DENND4A: variants seen among roughly 807,000 people sequenced by gnomAD.
The protein encoded by DENND4A is DENN domain containing 4A, also known as C-myc promoter-binding protein.
Under a neutral mutation model 199.3 loss-of-function variants are expected in DENND4A, and 70 were observed. The observed-to-expected ratio is 0.35, with a 90% CI of 0.29 to 0.43. The LOEUF (loss-of-function observed/expected upper bound fraction) is 0.43. Ranked by LOEUF, DENND4A falls within the 20% of genes least tolerant of loss-of-function variation. The pLI, the probability that DENND4A is intolerant of heterozygous loss-of-function variation, is 1.00. For missense variants in DENND4A, 1,723 were observed against 2,255.8 expected (o/e 0.76, Z 4.78); for synonymous variants, 686 against 766.9 (o/e 0.89, Z 1.74).
intron 29 of DENND4A, 56 bp downstream of exon 29, chr15:65,667,393 C>T: frequency 6.5e-7 from 1 of 1,546,340 alleles, no homozygotes; most frequent in Non-Finnish European, 8.8e-7. Context: ...TAGGAATATG[C>T]AAACATTACA....
chr15:65,689,244 T>C (rs1008685003), intron 23 of DENND4A, among the ~76,000 whole-genome samples: 1 of 152,198 alleles, frequency 6.6e-6, no homozygotes, highest in Non-Finnish European at 1.5e-5. Context: ...TTTTCCTTTA[T>C]ATTCTTGAAC....
At chr15:65,752,180 G>A (rs1017493347) in intron 4 of DENND4A, among the ~76,000 whole-genome samples, 199 bp downstream of exon 4, 1 of 138,700 alleles carries the variant, frequency 7.2e-6, no homozygotes, top group Non-Finnish European at 1.5e-5. Flanking sequence ...ACTTTGCATA[G>A]TTTCTTTTGA....
chr15:65,690,907 C>T lies in DENND4A; in HGVS notation c.3687G>A (p.Glu1229=), dbSNP rs2076947769. 1.2e-6 allele frequency: 2 copies of T among 1,607,952 alleles called. No individual in the cohort carries two copies. Among genetic ancestry groups the T allele is most frequent in the Admixed American group, 1.7e-5 (1 of 59,114 alleles). Reference sequence around the variant, plus strand: ...TTTTGCTATCATCTTCATCCTCCTCCTCTTCTTCTTTTTGCTGCTGTTCAG... The same window carrying T: ...TTTTGCTATCATCTTCATCCTCCTCTTCTTCTTCTTTTTGCTGCTGTTCAG... ...AETEQQQKEE[E]EEDEDDSKSI... The change falls in exon 23 of 33, where the codon GAG becomes GAA. Residue 1229 remains glutamate (E), a synonymous_variant. Coordinates refer to ENST00000443035, the MANE Select transcript of DENND4A (RefSeq NM_001320835.1).
intron 21 of DENND4A, chr15:65,696,814 T>C (rs72741230): frequency 0.032 from 8,598 of 269,416 alleles, 212 homozygotes; most frequent in Middle Eastern, 0.066. Flanking sequence ...TAAACAAACT[T>C]TTTTTTTTTC....
chr15:65,760,267 C>CGG (rs1177781957), intron 2 of DENND4A, among the ~76,000 whole-genome samples: 1 of 151,876 alleles, frequency 6.6e-6, no homozygotes, highest in Non-Finnish European at 1.5e-5. Context: ...AAGGCCAAGG[C>CGG]GGGCAGATCA....
intron 3 of DENND4A, chr15:65,753,805 A>T (rs1352855975): frequency 6.6e-6 from 1 of 151,914 alleles, no homozygotes; most frequent in Non-Finnish European, 1.5e-5. Context: ...ATATAATGCC[A>T]AAAACTGGTC....
intron 1 of DENND4A, among the ~76,000 whole-genome samples, chr15:65,772,784 T>A (rs1023524884): frequency 7.0e-6 from 1 of 142,316 alleles, no homozygotes; most frequent in African/African-American, 2.6e-5. Context: ...CACAGATTGG[T>A]CAATTATATG....
chr15:65,670,009 T>C lies in DENND4A; in HGVS notation c.4640+4A>G, dbSNP rs769064520. Reference sequence around the variant, plus strand: ...TTAAACATGAAGGAAAAAAATATCATTACCTTCCAGGTCGTCTTAAATCTC... The same window carrying C: ...TTAAACATGAAGGAAAAAAATATCACTACCTTCCAGGTCGTCTTAAATCTC... On this transcript the variant is annotated splice_donor_region_variant and intron_variant, in intron 26 of 32. Coordinates refer to ENST00000443035, the MANE Select transcript of DENND4A (RefSeq NM_001320835.1). The C allele has an allele frequency of 1.9e-6, 3 of 1,591,994 alleles. No homozygotes were observed. The highest frequency in any genetic ancestry group is 1.7e-6 in the Non-Finnish European group (2 of 1,167,610).
Position 65,752,234 on chromosome 15 carries a change from CT to C in DENND4A, c.561+144del, listed in dbSNP as rs1267095103. On this transcript the variant is annotated intron_variant, in intron 4 of 32. Coordinates refer to ENST00000443035, the MANE Select transcript of DENND4A (RefSeq NM_001320835.1). Reference sequence around the variant, plus strand: ...TTCCGAAAAGTAAAATATCTAATATCTTTAAAAACACATTTTTCAATTCTGT... The same window carrying C: ...TTCCGAAAAGTAAAATATCTAATATCTTAAAAACACATTTTTCAATTCTGT... The C allele has an allele frequency of 5.3e-6, 4 of 748,672 alleles. No individual in the cohort carries two copies. The African/African-American group carries it at 9.5e-5, about 18-fold the overall frequency. 46.4% of individuals were successfully genotyped at this position (748,672 alleles called of 1,614,324 possible).
intron 13 of DENND4A, 61 bp from the exon 14 acceptor site, chr15:65,715,684 T>G (rs1309135839): frequency 1.1e-5 from 16 of 1,451,028 alleles, no homozygotes; most frequent in Non-Finnish European, 1.4e-5. Flanking sequence ...TCACAGAATA[T>G]TTGCACTAGA....
At chr15:65,734,530 A>T (rs1025051136) in intron 7 of DENND4A, among the ~76,000 whole-genome samples, 2 of 152,070 alleles carry the variant, frequency 1.3e-5, no homozygotes, top group Admixed American at 1.3e-4. Flanking sequence ...TTCTTTCTCT[A>T]TACTTTGTCT....
At chr15:65,762,140 C>T (rs567203124) in intron 1 of DENND4A, among the ~76,000 whole-genome samples, 93 of 151,990 alleles carry the variant, frequency 6.1e-4, no homozygotes, top group African/African-American at 2.1e-3. Flanking sequence ...CCCGAGTAGC[C>T]GGGATTACAG....
chr15:65,728,157 C>T (rs911645383), intron 11 of DENND4A, among the ~76,000 whole-genome samples: 10 of 151,940 alleles, frequency 6.6e-5, no homozygotes, highest in African/African-American at 2.4e-4. Context: ...TACCTGCCAC[C>T]ACGTCCAGCT....
intron 1 of DENND4A, among the ~76,000 whole-genome samples, chr15:65,784,351 A>T (rs1038558677): frequency 6.6e-5 from 10 of 152,130 alleles, no homozygotes; most frequent in Non-Finnish European, 7.3e-5. Context: ...ATCCAAATAA[A>T]TGAATTTTAG....
At chr15:65,729,007 T>C in intron 11 of DENND4A, 65 bp downstream of exon 11, 4 of 1,382,766 alleles carry the variant, frequency 2.9e-6, no homozygotes, top group Middle Eastern at 1.9e-4. Flanking sequence ...TCATAAAATA[T>C]ACAGTTACAT....
chr15:65,686,333 AGTT>A (rs1398261821), intron 23 of DENND4A, among the ~76,000 whole-genome samples: 9 of 152,164 alleles, frequency 5.9e-5, no homozygotes, highest in South Asian at 4.1e-4. Flanking sequence ...TGTATTCTGT[AGTT>A]GTTGAGTGTA....
intron 11 of DENND4A, chr15:65,726,047 C>CT (rs1438789137): frequency 6.6e-6 from 1 of 152,142 alleles, no homozygotes; most frequent in Non-Finnish European, 1.5e-5. Context: ...TTCTTTGATT[C>CT]TTTAACTCAT....
chr15:65,729,007 TAC>T, intron 11 of DENND4A, 63 bp downstream of exon 11: 4 of 1,382,766 alleles, frequency 2.9e-6, no homozygotes, highest in African/African-American at 1.4e-5. Context: ...TCATAAAATA[TAC>T]AGTTACATAC....
At chr15:65,706,967 CAT>C (rs1230145287) in intron 14 of DENND4A, among the ~76,000 whole-genome samples, 2 of 152,152 alleles carry the variant, frequency 1.3e-5, no homozygotes, top group African/African-American at 2.4e-5. Flanking sequence ...GCATTTGAAT[CAT>C]GAGACTGTAA....
Sources: gnomAD v4.1 joint callset for allele counts (sites outside exome capture counted in the v4.1 genomes callset) on GRCh38, gnomAD v4.1.1 for gene constraint, MANE v1.5 for transcripts, NCBI Gene and HGNC (gene_info 2026-07-23, HGNC 2026-07-21) for gene names.